ARHGAP17: variants seen among roughly 807,000 people sequenced by gnomAD.
ARHGAP17 encodes rho GTPase-activating protein 17.
ARHGAP17 carries 57 observed loss-of-function variants against 99.5 expected under a neutral mutation model. The observed-to-expected ratio is 0.57, with a 90% CI of 0.46 to 0.71. ARHGAP17 has a LOEUF of 0.71. ARHGAP17 is among the 30% of genes least tolerant of loss of function. The pLI is 0.00. For synonymous variants in ARHGAP17, 417 were observed against 429.6 expected (o/e 0.97, Z 0.36); for missense variants, 1,000 against 1,122.4 (o/e 0.89, Z 1.56).
At chr16:24,959,793 C>A in intron 8 of ARHGAP17, 41 bp from the exon 9 acceptor site, 1 of 1,609,674 alleles carries the variant, frequency 6.2e-7, no homozygotes, top group East Asian at 2.2e-5. Flanking sequence ...GTAACGTTAG[C>A]ATCGGATGGA....
At chr16:24,998,354 G>GA (rs1041281652) in intron 1 of ARHGAP17, among the ~76,000 whole-genome samples, 2 of 152,010 alleles carry the variant, frequency 1.3e-5, no homozygotes, top group African/African-American at 4.8e-5. Flanking sequence ...GCACAGAGGG[G>GA]AGGCTGGCAA....
intron 12 of ARHGAP17, among the ~76,000 whole-genome samples, chr16:24,952,076 AT>A (rs2051660452): frequency 6.6e-6 from 1 of 152,340 alleles, no homozygotes; most frequent in African/African-American, 2.4e-5. Context: ...AATAACACAA[AT>A]TTAAACCAAT....
chr16:24,953,519 G>A (rs1003956546), intron 10 of ARHGAP17, among the ~76,000 whole-genome samples: 18 of 152,104 alleles, frequency 1.2e-4, no homozygotes, highest in Admixed American at 7.2e-4. Flanking sequence ...TTGAAAGTGT[G>A]TAGCAACTCC....
chr16:24,977,981 C>A (rs563764904), intron 2 of ARHGAP17, among the ~76,000 whole-genome samples: 1 of 152,202 alleles, frequency 6.6e-6, no homozygotes, highest in African/African-American at 2.4e-5. Flanking sequence ...GACCCCAAAC[C>A]ATTTTACGCA....
chr16:24,927,123 T>C (rs994073654), intron 19 of ARHGAP17, among the ~76,000 whole-genome samples: 2 of 151,974 alleles, frequency 1.3e-5, no homozygotes, highest in Non-Finnish European at 2.9e-5. Context: ...ATAAAAAAAA[T>C]AGCCAGATGT....
chr16:25,009,842 GC>G (rs1389145351), intron 1 of ARHGAP17, among the ~76,000 whole-genome samples: 1 of 152,132 alleles, frequency 6.6e-6, no homozygotes, highest in African/African-American at 2.4e-5. Flanking sequence ...TCAGAGGGTG[GC>G]TATGAGAATG....
intron 1 of ARHGAP17, among the ~76,000 whole-genome samples, chr16:25,004,651 T>C (rs964102468): frequency 3.9e-5 from 6 of 152,228 alleles, no homozygotes; most frequent in African/African-American, 9.6e-5. Flanking sequence ...CTTTAAGAAG[T>C]ATAAATTTGG....
At chr16:24,972,188 C>T (rs927280574) in intron 3 of ARHGAP17, among the ~76,000 whole-genome samples, 2 of 152,168 alleles carry the variant, frequency 1.3e-5, no homozygotes, top group African/African-American at 4.8e-5. Context: ...CAAGGCTATA[C>T]AACAAACTAC....
chr16:25,002,825 G>T (rs2053398900), intron 1 of ARHGAP17, among the ~76,000 whole-genome samples: 1 of 152,134 alleles, frequency 6.6e-6, no homozygotes, highest in Non-Finnish European at 1.5e-5. Flanking sequence ...GATCACCTGA[G>T]GTCAGGAGTT....
rs1041678811 is a variant in ARHGAP17, at chr16:24,941,805, G to A, written c.1490+182C>T. 4 of 741,944 alleles carry A rather than the reference G, an allele frequency of 5.4e-6. No individual in the cohort carries two copies. In the Admixed American group the frequency reaches 1.1e-4, roughly 20 times the overall value. The allele number at this position is 741,944 out of a possible 1,614,324, so 46.0% of individuals were successfully genotyped here. On this transcript the variant is annotated intron_variant, in intron 16 of 19. Coordinates refer to ENST00000289968, the MANE Select transcript of ARHGAP17 (RefSeq NM_001006634.3). ...AACGTTAACTGAGAAGCTACACACT[G>A]ACTTTATGGTGAGATTAGTGCTTGG...
At chr16:24,946,431 C>T (rs543373799) in intron 14 of ARHGAP17, among the ~76,000 whole-genome samples, 2 of 151,628 alleles carry the variant, frequency 1.3e-5, no homozygotes, top group East Asian at 3.9e-4. Context: ...AGGTACAGCT[C>T]CAGTGCCATT....
intron 1 of ARHGAP17, among the ~76,000 whole-genome samples, chr16:25,012,982 T>C (rs900389728): frequency 1.3e-5 from 2 of 152,032 alleles, no homozygotes; most frequent in Non-Finnish European, 2.9e-5. Flanking sequence ...ACCCTGGCCA[T>C]GGGGTAGGAA....
At chr16:24,933,932 C>T (rs1244644289) in intron 18 of ARHGAP17, among the ~76,000 whole-genome samples, 3 of 152,194 alleles carry the variant, frequency 2.0e-5, no homozygotes, top group African/African-American at 4.8e-5. Context: ...ACCAGAGTCA[C>T]ACCTGGAATC....
intron 1 of ARHGAP17, among the ~76,000 whole-genome samples, chr16:24,990,341 C>G (rs1055822732): frequency 6.6e-6 from 1 of 151,996 alleles, no homozygotes; most frequent in Non-Finnish European, 1.5e-5. Flanking sequence ...AAAAACTTAG[C>G]CAGGCATGGT....
intron 4 of ARHGAP17, among the ~76,000 whole-genome samples, chr16:24,969,313 C>T (rs2052290495): frequency 6.6e-6 from 1 of 152,138 alleles, no homozygotes; most frequent in East Asian, 1.9e-4. Flanking sequence ...ATCCCTCCCT[C>T]CTCCCTCTCT....
rs115345009 is a variant in ARHGAP17 at position 25,010,930 on chromosome 16, A to G, written c.53+4279T>C. Among the ~76,000 whole-genome samples the G allele has an allele frequency of 4.8e-3, 725 of 152,378 alleles. 6 individuals are homozygous for G. The highest frequency in any genetic ancestry group is 0.017 in the African/African-American group (695 of 41,592). ...ATCTGTGAAAGCATTCAGACCTCCA[A>G]GGGAAACTTCAGTCAGGGAAGAAAT... On this transcript the variant is annotated intron_variant, in intron 1 of 19. Transcript: ENST00000289968.
chr16:24,967,731 T>A (rs201702853), intron 6 of ARHGAP17, among the ~76,000 whole-genome samples: 1 of 131,864 alleles, frequency 7.6e-6, no homozygotes, highest in East Asian at 2.1e-4. Flanking sequence ...GAGGCTGCAG[T>A]AAGCTATGAT....
At chr16:24,990,441 G>A (rs1055324941) in intron 1 of ARHGAP17, among the ~76,000 whole-genome samples, 5 of 151,890 alleles carry the variant, frequency 3.3e-5, no homozygotes, top group Non-Finnish European at 7.4e-5. Context: ...AGCCACGATC[G>A]TGCCACTGCA....
In ARHGAP17 at chr16:24,935,466, T is replaced by C; in HGVS notation, c.1894+4A>G. The C allele has an allele frequency of 6.3e-7, 1 of 1,585,276 alleles. No individual in the cohort carries two copies. The highest frequency in any genetic ancestry group is 8.6e-7 in the Non-Finnish European group (1 of 1,165,026). ...TGAGGGCAAGGAGGACGGTGGCTGCTTACCTCGGCGCAGTGTATGCGGGCT... is the reference window on the plus strand; with the variant it reads ...TGAGGGCAAGGAGGACGGTGGCTGCCTACCTCGGCGCAGTGTATGCGGGCT... On this transcript the variant is annotated splice_donor_region_variant and intron_variant, in intron 18 of 19. Transcript: ENST00000289968.
Sources: allele counts gnomAD v4.1 joint callset (sites outside exome capture counted in the v4.1 genomes callset), GRCh38; gene constraint gnomAD v4.1.1; transcripts MANE v1.5; gene names NCBI Gene and HGNC (gene_info 2026-07-23, HGNC 2026-07-21).